Variants in DNAI7 observed in about 807,000 individuals in gnomAD.
DNAI7 encodes the protein cancer susceptibility 1.
A neutral mutation model predicts 86.6 loss-of-function variants in DNAI7; 78 were observed. The ratio of observed to expected loss-of-function variants is 0.90; its 90% confidence interval spans 0.75 to 1.09. DNAI7 has a LOEUF of 1.09. Ranked by LOEUF, DNAI7 falls within the 50% of genes least tolerant of loss-of-function variation. The pLI is 0.00. For missense variants in DNAI7, 753 were observed against 810.2 expected, an observed-to-expected ratio of 0.93 and a Z score of 0.86; for synonymous variants, 274 against 273.0, an observed-to-expected ratio of 1.00 and a Z score of -0.04.
In DNAI7 at chr12:25,113,938, GTTTTTTTTTTTTT is replaced by G. The variant is rs112532652; in HGVS notation, c.1611+705_1611+717del. On this transcript the variant is annotated intron_variant, in intron 13 of 15. Coordinates refer to ENST00000395987, the MANE Select transcript of DNAI7 (RefSeq NM_018272.5). ...ATGTAATTTCTTTCTTTCTTTCTGGGTTTTTTTTTTTTTTTTTTTTTTTTTGAGACAGAGTTTC... is the reference window on the plus strand; with the variant it reads ...ATGTAATTTCTTTCTTTCTTTCTGGGTTTTTTTTTTTTGAGACAGAGTTTC... 3.9e-3 allele frequency among the ~76,000 whole-genome samples: 326 copies of G among 82,856 alleles called. 5 individuals are homozygous for G. The highest frequency in any genetic ancestry group is 0.014 in the African/African-American group (296 of 20,440). The allele number at this position is 82,856 out of a possible 152,430, so 54.4% of individuals were successfully genotyped here. A position where few individuals can be genotyped will look rare whatever the true frequency, so the allele number is the denominator to read the frequency against.
chr12:25,189,778 G>T (rs1224396050), intron 2 of DNAI7, among the ~76,000 whole-genome samples: 2 of 152,068 alleles, frequency 1.3e-5, no homozygotes, highest in Non-Finnish European at 2.9e-5. Context: ...ATCCCTGTTG[G>T]GACCAAGCAG....
intron 2 of DNAI7, 34 bp downstream of exon 2, chr12:25,190,580 T>C (rs1479920202): frequency 1.9e-6 from 2 of 1,060,804 alleles, no homozygotes; most frequent in Admixed American, 2.4e-5. Context: ...TAAGTGATTA[T>C]ACAACTATCT....
At chr12:25,158,352 T>C (rs1946447022) in intron 4 of DNAI7, 120 bp downstream of exon 4, 1 of 715,348 alleles carries the variant, frequency 1.4e-6, no homozygotes. Context: ...TATGGTACGA[T>C]TAAGTTCATG....
At position 25,114,701 on chromosome 12, in the gene DNAI7, A is replaced by C; in HGVS notation, c.1566T>G (p.Leu522=). The C allele has an allele frequency of 6.2e-7, 1 of 1,613,488 alleles. No individual in the cohort carries two copies. The highest frequency in any genetic ancestry group is 8.5e-7 in the Non-Finnish European group (1 of 1,179,416). The change falls in exon 13 of 16, where the codon CTT becomes CTG. Residue 522 remains leucine (L), a synonymous_variant. Transcript: ENST00000395987. Reference sequence around the variant, plus strand: ...CAGTAAATACTGTAGTCACAGTTAAAAGTACTTTATTTACATCAAGTGGTC... The same window carrying C: ...CAGTAAATACTGTAGTCACAGTTAACAGTACTTTATTTACATCAAGTGGTC... The part of the protein sequence containing the change: ...ELRPLDVNKV[L]LTVTTVFTEI...
intron 2 of DNAI7, among the ~76,000 whole-genome samples, chr12:25,183,321 C>G (rs1949736078): frequency 6.6e-6 from 1 of 151,802 alleles, no homozygotes; most frequent in Non-Finnish European, 1.5e-5. Flanking sequence ...AGCCAAAATC[C>G]CAGCATCATC....
chr12:25,150,330 C>A (rs868047404), intron 6 of DNAI7, among the ~76,000 whole-genome samples: 1 of 151,976 alleles, frequency 6.6e-6, no homozygotes, highest in Non-Finnish European at 1.5e-5. Context: ...GGAGGCCGGG[C>A]GCAGTGGCTC....
chr12:25,116,081 T>C (rs1192958671), intron 12 of DNAI7, among the ~76,000 whole-genome samples: 1 of 94,114 alleles, frequency 1.1e-5, no homozygotes, highest in Non-Finnish European at 2.7e-5. Context: ...TCTGTATTTC[T>C]TTCTTTTTTT....
rs1046167412 is a variant in DNAI7 at position 25,130,502 on chromosome 12, A to T, written c.1003-7216T>A. ...CAGTGAGCCGAGATAGCGCCACTGC[A>T]CTCCGGCCTGGGCGAAAGAGCGAGA... On this transcript the variant is annotated intron_variant, in intron 9 of 15. Coordinates refer to ENST00000395987, the MANE Select transcript of DNAI7 (RefSeq NM_018272.5). Among the ~76,000 whole-genome samples, 9 of 151,266 alleles carry T rather than the reference A, an allele frequency of 5.9e-5. No homozygotes were observed. In the South Asian group the frequency reaches 8.4e-4, roughly 14 times the overall value.
chr12:25,164,885 C>T (rs1389634865), intron 2 of DNAI7, among the ~76,000 whole-genome samples: 1 of 95,670 alleles, frequency 1.0e-5, no homozygotes, highest in African/African-American at 4.2e-5. Flanking sequence ...ATCACCTCCC[C>T]TCCTCACACC....
intron 4 of DNAI7, among the ~76,000 whole-genome samples, chr12:25,157,345 C>T (rs536284286): frequency 1.4e-3 from 216 of 150,268 alleles, no homozygotes; most frequent in African/African-American, 5.0e-3. Context: ...ATCAGAAAGG[C>T]TATTAAAATA....
At chr12:25,141,979 T>C (rs749281447) in intron 9 of DNAI7, among the ~76,000 whole-genome samples, 1 of 152,202 alleles carries the variant, frequency 6.6e-6, no homozygotes, top group Non-Finnish European at 1.5e-5. Context: ...TACCATTTGA[T>C]CCAGCAATCC....
chr12:25,114,635 A>G, intron 13 of DNAI7, 21 bp downstream of exon 13: 1 of 1,521,682 alleles, frequency 6.6e-7, no homozygotes, highest in Non-Finnish European at 9.1e-7. Flanking sequence ...ATAGTACATA[A>G]CAGCTACAAG....
chr12:25,187,953 GA>G (rs915485557), intron 2 of DNAI7, among the ~76,000 whole-genome samples: 2 of 151,932 alleles, frequency 1.3e-5, no homozygotes, highest in African/African-American at 4.8e-5. Flanking sequence ...GTAGAAGGAA[GA>G]AAAAAAATTC....
At chr12:25,112,496 T>C (rs533288879) in intron 13 of DNAI7, among the ~76,000 whole-genome samples, 1 of 139,244 alleles carries the variant, frequency 7.2e-6, no homozygotes, top group East Asian at 2.2e-4. Context: ...AAGCTCTGCC[T>C]CCCAGGTTCA....
intron 6 of DNAI7, among the ~76,000 whole-genome samples, chr12:25,150,188 GT>G (rs1395610980): frequency 2.0e-5 from 3 of 152,142 alleles, no homozygotes; most frequent in Non-Finnish European, 2.9e-5. Flanking sequence ...GTGAAAAGCT[GT>G]TGAGGAACAC....
chr12:25,126,450 A>G (rs1942146112), intron 9 of DNAI7, among the ~76,000 whole-genome samples: 1 of 152,144 alleles, frequency 6.6e-6, no homozygotes, highest in African/African-American at 2.4e-5. Flanking sequence ...GGACCTACCC[A>G]AGGCAGAAGC....
intron 12 of DNAI7, among the ~76,000 whole-genome samples, chr12:25,117,366 G>T (rs1940327146): frequency 6.6e-6 from 1 of 152,116 alleles, no homozygotes; most frequent in Admixed American, 6.5e-5. Context: ...AAACTTCTTG[G>T]TATAAATTCC....
chr12:25,178,638 A>C (rs1275145647), intron 2 of DNAI7, among the ~76,000 whole-genome samples: 1 of 152,196 alleles, frequency 6.6e-6, no homozygotes, highest in African/African-American at 2.4e-5. Flanking sequence ...GAAGGCAAAA[A>C]CAATATACTA....
Position 25,108,832 on chromosome 12 carries a change from A to AAAAAAAAAAAAAAAAAAAAAAAAT in DNAI7, c.1894-10_1894-9insATTTTTTTTTTTTTTTTTTTTTTT. 9.1e-7 allele frequency: 1 copy of AAAAAAAAAAAAAAAAAAAAAAAAT among 1,102,608 alleles called. No individual in the cohort carries two copies. Among genetic ancestry groups the AAAAAAAAAAAAAAAAAAAAAAAAT allele is most frequent in the Non-Finnish European group, 1.2e-6 (1 of 806,162 alleles). 68.3% of individuals were successfully genotyped at this position (1,102,608 alleles called of 1,614,324 possible). ...GTAAGGTGTTCCCTCACCTAAAAAA[A>AAAAAAAAAAAAAAAAAAAAAAAAT]AAAAAAATTCAAGCAAGTTGTTAAT... On this transcript the variant is annotated splice_polypyrimidine_tract_variant and intron_variant, in intron 15 of 15. Coordinates refer to ENST00000395987, the MANE Select transcript of DNAI7 (RefSeq NM_018272.5).
Sources: allele counts gnomAD v4.1 joint callset (sites outside exome capture counted in the v4.1 genomes callset), GRCh38; gene constraint gnomAD v4.1.1; transcripts MANE v1.5; gene names NCBI Gene and HGNC (gene_info 2026-07-23, HGNC 2026-07-21).